KAZN: variants seen among roughly 807,000 people sequenced by gnomAD.
The protein encoded by KAZN is kazrin.
A neutral mutation model predicts 87.4 loss-of-function variants in KAZN; 40 were observed. The ratio of observed to expected loss-of-function variants is 0.46; its 90% CI spans 0.36 to 0.60. The LOEUF (loss-of-function observed/expected upper bound fraction) is 0.60. Ranked by LOEUF, KAZN falls within the 20% of genes least tolerant of loss-of-function variation. The pLI is 0.00. For synonymous variants in KAZN, 466 were observed against 458.3 expected (o/e 1.02, Z -0.22); for missense variants, 898 against 1,073.9 (o/e 0.84, Z 2.29).
intron 1 of KAZN, among the ~76,000 whole-genome samples, chr1:14,679,301 G>T (rs1314443064): frequency 1.3e-5 from 2 of 151,952 alleles, no homozygotes; most frequent in African/African-American, 4.8e-5. Flanking sequence ...TTTTTGGAAG[G>T]AATAGGCAAG....
intron 2 of KAZN, among the ~76,000 whole-genome samples, chr1:15,016,945 CAT>C (rs1378819025): frequency 1.3e-5 from 2 of 152,044 alleles, no homozygotes; most frequent in Non-Finnish European, 2.9e-5. Context: ...AATAATTAAA[CAT>C]GTGTCATGTG....
intron 2 of KAZN, among the ~76,000 whole-genome samples, chr1:14,201,291 C>A (rs1646634330): frequency 6.6e-6 from 1 of 152,204 alleles, no homozygotes; most frequent in South Asian, 2.1e-4. Context: ...CTCAAAGTTT[C>A]TCTCTCACAC....
chr1:14,980,148 C>G (rs1187887868), intron 2 of KAZN, among the ~76,000 whole-genome samples: 1 of 152,190 alleles, frequency 6.6e-6, no homozygotes, highest in Non-Finnish European at 1.5e-5. Flanking sequence ...CTCCACCTCC[C>G]AAAGTGCTGG....
chr1:13,964,068 G>A (rs572701539), intron 1 of KAZN, among the ~76,000 whole-genome samples: 1 of 151,938 alleles, frequency 6.6e-6, no homozygotes, highest in African/African-American at 2.4e-5. Context: ...GTGGTGGTAG[G>A]GGTTGTTAAC....
intron 2 of KAZN, among the ~76,000 whole-genome samples, chr1:14,965,250 G>A (rs1476672012): frequency 1.3e-5 from 2 of 151,928 alleles, no homozygotes; most frequent in African/African-American, 4.8e-5. Context: ...GAACTCCTGG[G>A]CTCAAGCAGT....
At chr1:13,925,610 TG>T (rs1444095758) in intron 1 of KAZN, among the ~76,000 whole-genome samples, 3 of 152,128 alleles carry the variant, frequency 2.0e-5, no homozygotes, top group Non-Finnish European at 4.4e-5. Context: ...GGCACTGAGC[TG>T]GGGTAGGCTA....
chr1:14,025,460 A>G (rs1206285586), intron 1 of KAZN, among the ~76,000 whole-genome samples: 1 of 152,194 alleles, frequency 6.6e-6, no homozygotes, highest in East Asian at 1.9e-4. Flanking sequence ...CCCTAAGACA[A>G]AGAAGACAAG....
At chr1:14,353,117 G>T (rs551743889) in intron 2 of KAZN, among the ~76,000 whole-genome samples, 1 of 152,076 alleles carries the variant, frequency 6.6e-6, no homozygotes, top group African/African-American at 2.4e-5. Flanking sequence ...AGGGATGTTT[G>T]CTTCCATCAT....
intron 1 of KAZN, among the ~76,000 whole-genome samples, chr1:14,848,993 G>A (rs1005689964): frequency 6.6e-6 from 1 of 152,204 alleles, no homozygotes; most frequent in East Asian, 1.9e-4. Context: ...CAGGGCAGGA[G>A]CAGTCACTGG....
rs4661476 is a variant in KAZN, at chr1:14,136,257, C to T, written c.92-44178C>T. Among the ~76,000 whole-genome samples, 3 of 151,816 alleles carry T rather than the reference C, an allele frequency of 2.0e-5. No individual in the cohort carries two copies. The East Asian group carries it at 5.8e-4, about 29-fold the overall frequency. On this transcript the variant is annotated intron_variant, in intron 1 of 16. Transcript: ENST00000636203. ...AGCCCCGGCCTCAGTAGGGCACAAGCGGATGTCCTCTGGCTCACTCCATCT... is the reference window on the plus strand; with the variant it reads ...AGCCCCGGCCTCAGTAGGGCACAAGTGGATGTCCTCTGGCTCACTCCATCT...
At chr1:14,687,391 G>C (rs1343451446) in intron 1 of KAZN, among the ~76,000 whole-genome samples, 1 of 152,186 alleles carries the variant, frequency 6.6e-6, no homozygotes, top group Non-Finnish European at 1.5e-5. Flanking sequence ...AACTGGAGGA[G>C]CCCAGAGAGG....
chr1:14,033,924 G>T (rs1475668547), intron 1 of KAZN, among the ~76,000 whole-genome samples: 3 of 152,202 alleles, frequency 2.0e-5, no homozygotes, highest in Non-Finnish European at 4.4e-5. Flanking sequence ...TGTTAATCCA[G>T]TCCATGCTTC....
At chr1:14,844,893 G>T (rs533427211) in intron 1 of KAZN, among the ~76,000 whole-genome samples, 2 of 152,188 alleles carry the variant, frequency 1.3e-5, no homozygotes, top group East Asian at 1.9e-4. Context: ...TGCATAGGTG[G>T]ATAGATGAGT....
At chr1:14,056,687 G>T (rs1303597964) in intron 1 of KAZN, among the ~76,000 whole-genome samples, 1 of 152,172 alleles carries the variant, frequency 6.6e-6, no homozygotes, top group African/African-American at 2.4e-5. Context: ...GTTTGTTCAT[G>T]ATCACACAGC....
intron 1 of KAZN, among the ~76,000 whole-genome samples, chr1:14,617,359 C>A (rs994785519): frequency 6.6e-6 from 1 of 152,158 alleles, no homozygotes; most frequent in African/African-American, 2.4e-5. Context: ...TCTGAAAAGT[C>A]TACATACCTT....
chr1:13,982,745 C>T (rs1265813135), intron 1 of KAZN, among the ~76,000 whole-genome samples: 1 of 152,186 alleles, frequency 6.6e-6, no homozygotes, highest in Non-Finnish European at 1.5e-5. Context: ...AAAGGTTCTC[C>T]AAGGCCCCAC....
At chr1:14,959,395 A>G (rs1663564256) in intron 1 of KAZN, among the ~76,000 whole-genome samples, 1 of 151,474 alleles carries the variant, frequency 6.6e-6, no homozygotes, top group Non-Finnish European at 1.5e-5. Flanking sequence ...GGCATATTGT[A>G]GAGAGAGGGA....
intron 1 of KAZN, among the ~76,000 whole-genome samples, chr1:14,956,923 A>G (rs1276805612): frequency 1.3e-5 from 2 of 151,992 alleles, no homozygotes; most frequent in African/African-American, 2.4e-5. Context: ...TGGTCACTCA[A>G]GACCCTCCAG....
intron 1 of KAZN, among the ~76,000 whole-genome samples, chr1:14,722,698 A>G (rs1643180574): frequency 6.6e-6 from 1 of 152,182 alleles, no homozygotes; most frequent in African/African-American, 2.4e-5. Flanking sequence ...GCAGCCCAGT[A>G]AAATGAATGC....
Sources: allele counts gnomAD v4.1 joint callset (sites outside exome capture counted in the v4.1 genomes callset), GRCh38; gene constraint gnomAD v4.1.1; transcripts MANE v1.5; gene names NCBI Gene and HGNC (gene_info 2026-07-23, HGNC 2026-07-21).